The following CEP112 variants were observed in gnomAD, a reference collection of about 807,000 sequenced individuals.
The protein encoded by CEP112 is centrosomal protein 112.
In CEP112, 127 loss-of-function variants were observed where a neutral mutation model predicts 153.0. That is an observed-to-expected ratio of 0.83 (90% CI 0.72 to 0.96). CEP112 has a LOEUF of 0.96. Among genes scored for constraint, CEP112 ranks in the 40% least tolerant of loss-of-function variants. CEP112 has a pLI of 0.00. For synonymous variants in CEP112, 358 were observed against 374.4 expected (o/e 0.96, Z 0.51); for missense variants, 1,089 against 1,101.2 (o/e 0.99, Z 0.16).
Position 66,069,923 on chromosome 17 carries a change from C to G in CEP112, c.847G>C (p.Val283Leu). The change falls in exon 9 of 27, where the codon GTT becomes CTT. Residue 283 changes from valine to leucine, a missense_variant. By Grantham distance (32) the Val-to-Leu change is conservative. Transcript: ENST00000535342. ...CGAGATATATATCCTACCTTCTGAA[C>G]ATCAGCATCATGTTTCTGTTGCAGT... ...LKLQQKHDAD[V>L]QKILERKNNE... is the part of the protein sequence containing the mutation. 1 of 1,587,972 alleles carries G rather than the reference C, an allele frequency of 6.3e-7. No individual in the cohort carries two copies. Among genetic ancestry groups the G allele is most frequent in the Non-Finnish European group, 8.6e-7 (1 of 1,159,308 alleles).
chr17:66,062,327 T>C (rs1290184039), intron 11 of CEP112, among the ~76,000 whole-genome samples: 1 of 152,158 alleles, frequency 6.6e-6, no homozygotes, highest in East Asian at 1.9e-4. Context: ...AATTATGGTT[T>C]TCTAATGCAC....
At chr17:65,656,052 C>T (rs1264555315) in intron 24 of CEP112, among the ~76,000 whole-genome samples, 1 of 152,160 alleles carries the variant, frequency 6.6e-6, no homozygotes, top group East Asian at 1.9e-4. Context: ...ATTCTCTGAC[C>T]CACCCAAGGG....
intron 4 of CEP112, among the ~76,000 whole-genome samples, chr17:66,168,236 G>T (rs2072064948): frequency 6.6e-6 from 1 of 151,902 alleles, no homozygotes; most frequent in Non-Finnish European, 1.5e-5. Flanking sequence ...TTCATGTGTG[G>T]TACCCAGAAA....
intron 18 of CEP112, among the ~76,000 whole-genome samples, chr17:65,951,741 C>T (rs7220993): frequency 9.2e-6 from 1 of 108,934 alleles, no homozygotes; most frequent in Non-Finnish European, 1.9e-5. Context: ...TAATCTTCCC[C>T]CGCCCCCCCC....
At chr17:65,888,135 G>C (rs2059347136) in intron 20 of CEP112, among the ~76,000 whole-genome samples, 1 of 152,090 alleles carries the variant, frequency 6.6e-6, no homozygotes, top group South Asian at 2.1e-4. Context: ...CCCATTTCTT[G>C]AGTGTAATGG....
rs117863819 is a variant in CEP112, at chr17:66,120,503, T to C, written c.642+9243A>G. 9.7e-3 allele frequency among the ~76,000 whole-genome samples: 1,469 copies of C among 152,106 alleles called. 8 individuals carry two copies. The highest frequency in any genetic ancestry group is 0.014 in the Non-Finnish European group (931 of 67,976). ...GGTGTGAGCCACTGCGCCCAGCCTG[T>C]TGGGAGGTTTTAAAATATAAATTAT... On this transcript the variant is annotated intron_variant, in intron 6 of 26. Transcript: ENST00000535342.
intron 22 of CEP112, among the ~76,000 whole-genome samples, chr17:65,744,368 C>G (rs1337995790): frequency 3.3e-5 from 5 of 152,120 alleles, no homozygotes; most frequent in Non-Finnish European, 4.4e-5. Context: ...ATTCTCCTGC[C>G]TCAGCCTCCT....
At chr17:65,917,478 C>T (rs1045722024) in intron 19 of CEP112, among the ~76,000 whole-genome samples, 3 of 152,018 alleles carry the variant, frequency 2.0e-5, no homozygotes, top group African/African-American at 7.2e-5. Context: ...ACCTCAATAC[C>T]GAAGAGAAAG....
intron 21 of CEP112, among the ~76,000 whole-genome samples, chr17:65,788,064 C>A (rs919617837): frequency 5.3e-5 from 8 of 152,136 alleles, no homozygotes; most frequent in Non-Finnish European, 1.0e-4. Flanking sequence ...GATTAATATT[C>A]TTTATCAGGG....
intron 8 of CEP112, among the ~76,000 whole-genome samples, chr17:66,096,031 C>G (rs564678470): frequency 6.6e-6 from 1 of 152,098 alleles, no homozygotes; most frequent in Admixed American, 6.6e-5. Context: ...CACTGCACTC[C>G]AGCCGGACAA....
intron 17 of CEP112, among the ~76,000 whole-genome samples, chr17:65,993,497 A>T (rs1445498053): frequency 6.6e-6 from 1 of 152,194 alleles, no homozygotes. Flanking sequence ...GAAGATATAT[A>T]CCCAGCAGAA....
At chr17:66,107,652 A>T (rs543893671) in intron 6 of CEP112, among the ~76,000 whole-genome samples, 14 of 152,272 alleles carry the variant, frequency 9.2e-5, no homozygotes, top group Non-Finnish European at 1.8e-4. Context: ...AGAAGACACA[A>T]AAAAATGAAA....
At chr17:65,994,403 C>A (rs1417289550) in intron 17 of CEP112, among the ~76,000 whole-genome samples, 1 of 152,114 alleles carries the variant, frequency 6.6e-6, no homozygotes, top group Non-Finnish European at 1.5e-5. Context: ...TCATAGCTCA[C>A]TGCAGTCTCC....
intron 17 of CEP112, among the ~76,000 whole-genome samples, chr17:65,963,674 GGTGTGT>G (rs58215209): frequency 0.011 from 1,565 of 147,604 alleles, 25 homozygotes; most frequent in African/African-American, 0.032. Flanking sequence ...TATAGATAGG[GGTGTGT>G]GTGTGTGTGT....
intron 4 of CEP112, among the ~76,000 whole-genome samples, chr17:66,136,742 A>T (rs1370942513): frequency 2.6e-5 from 4 of 152,186 alleles, no homozygotes; most frequent in Non-Finnish European, 5.9e-5. Context: ...AAGACACAGA[A>T]TAAGAAGGAA....
intron 11 of CEP112, among the ~76,000 whole-genome samples, chr17:66,062,070 C>G (rs1173102626): frequency 6.6e-6 from 1 of 152,086 alleles, no homozygotes; most frequent in Non-Finnish European, 1.5e-5. Flanking sequence ...AAGAAGGTGG[C>G]TTGCTTCCCC....
chr17:65,709,582 C>T (rs1946165), intron 23 of CEP112, among the ~76,000 whole-genome samples: 48,797 of 152,032 alleles, frequency 0.32, 8,201 homozygotes, highest in Middle Eastern at 0.48. Flanking sequence ...TCCCACAACA[C>T]GTGGGAATTA....
At chr17:65,975,999 G>A (rs571853690) in intron 17 of CEP112, among the ~76,000 whole-genome samples, 139 of 152,230 alleles carry the variant, frequency 9.1e-4, no homozygotes, top group Non-Finnish European at 1.7e-3. Flanking sequence ...CAATCCTCCC[G>A]ACTTCCCTAA....
intron 23 of CEP112, among the ~76,000 whole-genome samples, chr17:65,737,683 C>G (rs1210824705): frequency 6.6e-6 from 1 of 152,236 alleles, no homozygotes; most frequent in Non-Finnish European, 1.5e-5. Flanking sequence ...CCTTCCCCTT[C>G]CCTCAGGTCA....
Sources: gnomAD v4.1 joint callset for allele counts (sites outside exome capture counted in the v4.1 genomes callset) on GRCh38, gnomAD v4.1.1 for gene constraint, MANE v1.5 for transcripts, NCBI Gene and HGNC (gene_info 2026-07-23, HGNC 2026-07-21) for gene names.